Variants in KCNQ1 observed in about 807,000 individuals in gnomAD.
KCNQ1 encodes potassium voltage-gated channel subfamily KQT member 1.
KCNQ1 carries 49 observed loss-of-function variants against 72.4 expected under a neutral mutation model. The observed-to-expected ratio is 0.68, with a 90% confidence interval of 0.54 to 0.86. The LOEUF (loss-of-function observed/expected upper bound fraction) is 0.86, where lower values mean the gene tolerates loss of function less well. Among genes scored for constraint, KCNQ1 ranks in the 40% least tolerant of loss-of-function variants. The pLI, the probability that KCNQ1 is intolerant of heterozygous loss-of-function variation, is 0.00. For missense variants in KCNQ1, 790 were observed against 945.1 expected (o/e 0.84, Z 2.15); for synonymous variants, 450 against 412.6 (o/e 1.09, Z -1.10).
rs572775767 is a variant in KCNQ1 at position 2,571,940 on chromosome 11, G to A, written c.684-73G>A. On this transcript the variant is annotated intron_variant, in intron 4 of 15. Transcript: ENST00000155840. ...CAGGGGCAGGGACACCCATGCCATC[G>A]GCCAGCCCTAGGCCCGGCGTGAACA... The A allele has an allele frequency of 8.9e-5, 118 of 1,318,638 alleles. 2 individuals carry two copies. Among genetic ancestry groups the A allele is most frequent in the South Asian group, 8.2e-4 (67 of 81,456 alleles). 81.7% of individuals were successfully genotyped at this position (1,318,638 alleles called of 1,614,324 possible). A position where few individuals can be genotyped will look rare whatever the true frequency, so the allele number is the denominator to read the frequency against.
In KCNQ1 at chr11:2,447,122, G is replaced by A. The variant is rs74048606; in HGVS notation, c.386+1638G>A. Among the ~76,000 whole-genome samples, 1,723 of 152,310 alleles carry A rather than the reference G, an allele frequency of 0.011. 33 individuals carry two copies. Among genetic ancestry groups the A allele is most frequent in the African/African-American group, 0.04 (1,659 of 41,548 alleles). ...GCCTCCGGGCTCACTGCAGCCACCC[G>A]TGTGGAGGAAGAGGAGGAAGAGGGC... is the stretch of plus-strand genomic sequence containing the variant. On this transcript the variant is annotated intron_variant, in intron 1 of 15. Transcript: ENST00000155840. This position sits in a 1 kb window ranked among gnomAD's most constrained non-coding sequence, Gnocchi z 7.6.
At chr11:2,467,570 G>A (rs1228652617) in intron 1 of KCNQ1, among the ~76,000 whole-genome samples, 1 of 152,178 alleles carries the variant, frequency 6.6e-6, no homozygotes, top group Non-Finnish European at 1.5e-5. Flanking sequence ...TTGAGATCAC[G>A]TCAGGGTGCA....
Position 2,846,113 on chromosome 11 carries a change from G to A in KCNQ1, c.1795-1654G>A, listed in dbSNP as rs183609347. On this transcript the variant is annotated intron_variant, in intron 15 of 15. Transcript: ENST00000155840. ...CCCACACCTCACCCCAAGCCTATCC[G>A]GCTGGATCAGCAGTGGGGCCGGGCG... is the stretch of plus-strand genomic sequence containing the variant. Among the ~76,000 whole-genome samples, 182 of 152,242 alleles carry A rather than the reference G, an allele frequency of 1.2e-3. 1 individual carries two copies. Among genetic ancestry groups the A allele is most frequent in the African/African-American group, 4.0e-3 (166 of 41,560 alleles).
rs1002317761 is a variant in KCNQ1, at chr11:2,674,944, G to A, written c.1514+12863G>A. 2.5e-6 allele frequency: 1 copy of A among 398,028 alleles called. No individual in the cohort carries two copies. The highest frequency in any genetic ancestry group is 4.4e-5 in the Admixed American group (1 of 22,682). The allele number at this position is 398,028 out of a possible 1,614,324, so 24.7% of individuals were successfully genotyped here. A position where few individuals can be genotyped will look rare whatever the true frequency, so the allele number is the denominator to read the frequency against. On this transcript the variant is annotated intron_variant, in intron 11 of 15. Transcript: ENST00000155840. This position sits in a 1 kb window ranked among gnomAD's most constrained non-coding sequence, Gnocchi z 5.9. ...AGAGTTTTTCCAGGCCTCGCTTCTG[G>A]GGCTGACTGGAGCTGTTTCTCTTCG...
At chr11:2,655,330 G>C (rs1329727882) in intron 10 of KCNQ1, 3 of 398,504 alleles carry the variant, frequency 7.5e-6, no homozygotes, top group Non-Finnish European at 1.3e-5. Flanking sequence ...ACAAAGCAAA[G>C]GCAGCCAAAG....
rs2133759386 is a variant in KCNQ1, at chr11:2,588,141, A to C, written c.1251+449A>C. ...AGGTCACAGGGCAGTGGAGTTTGGC[A>C]GGCGCTGGGCAGAAGTCTTGTGACA... On this transcript the variant is annotated intron_variant, in intron 9 of 15. Coordinates refer to ENST00000155840, the MANE Select transcript of KCNQ1 (RefSeq NM_000218.3). This position sits in a 1 kb window ranked among gnomAD's most constrained non-coding sequence, Gnocchi z 5.6. Among the ~76,000 whole-genome samples, 1 of 152,122 alleles carries C rather than the reference A, an allele frequency of 6.6e-6. No individual in the cohort carries two copies. The highest frequency in any genetic ancestry group is 6.5e-5 in the Admixed American group (1 of 15,286).
chr11:2,672,821 C>A, intron 11 of KCNQ1: 1 of 398,852 alleles, frequency 2.5e-6, no homozygotes, highest in Non-Finnish European at 4.4e-6. Flanking sequence ...GACCAAGTGA[C>A]CCCAACTCTG....
intron 6 of KCNQ1, among the ~76,000 whole-genome samples, chr11:2,578,134 TGA>T (rs1848449310): frequency 6.6e-6 from 1 of 151,956 alleles, no homozygotes; most frequent in South Asian, 2.1e-4. Context: ...ATTCCAGGAG[TGA>T]GTGACAGGCT....
Position 2,621,571 on chromosome 11 carries a change from T to C in KCNQ1, c.1393+32717T>C. On this transcript the variant is annotated intron_variant, in intron 10 of 15. Coordinates refer to ENST00000155840, the MANE Select transcript of KCNQ1 (RefSeq NM_000218.3). This position sits in a 1 kb window ranked among gnomAD's most constrained non-coding sequence, Gnocchi z 5.7. ...GTTTACCACTGTGATCTCTTTGCTA[T>C]TGGTCTGTTCAGGCTTTCTATTCCT... 1 of 398,556 alleles carries C rather than the reference T, an allele frequency of 2.5e-6. No homozygotes were observed. Among genetic ancestry groups the C allele is most frequent in the Admixed American group, 4.4e-5 (1 of 22,736 alleles). The allele number at this position is 398,556 out of a possible 1,614,324, so 24.7% of individuals were successfully genotyped here. A position where few individuals can be genotyped will look rare whatever the true frequency, so the allele number is the denominator to read the frequency against.
intron 11 of KCNQ1, among the ~76,000 whole-genome samples, chr11:2,761,809 C>T (rs1846400287): frequency 6.6e-6 from 1 of 152,254 alleles, no homozygotes; most frequent in African/African-American, 2.4e-5. Flanking sequence ...GGCTGGCACC[C>T]TCAGCCCTGG....
chr11:2,476,288 T>C (rs1351852302), intron 1 of KCNQ1, among the ~76,000 whole-genome samples: 2 of 152,146 alleles, frequency 1.3e-5, no homozygotes, highest in Non-Finnish European at 2.9e-5. Flanking sequence ...TTAAAATATA[T>C]GTTATTAATT....
intron 1 of KCNQ1, among the ~76,000 whole-genome samples, chr11:2,476,961 T>A (rs572029428): frequency 9.2e-5 from 14 of 152,346 alleles, no homozygotes; most frequent in Admixed American, 3.9e-4. Flanking sequence ...AGTGCTGGGA[T>A]CACAGGCATG....
rs371488379 is a variant in KCNQ1, at chr11:2,661,953, C to G, written c.1394-8C>G. 4.3e-6 allele frequency: 7 copies of G among 1,614,084 alleles called. No homozygotes were observed. Among genetic ancestry groups the G allele is most frequent in the Non-Finnish European group, 5.9e-6 (7 of 1,180,044 alleles). On this transcript the variant is annotated splice_region_variant and splice_polypyrimidine_tract_variant and intron_variant, in intron 10 of 15. Transcript: ENST00000155840. This position sits in a 1 kb window ranked among gnomAD's most constrained non-coding sequence, Gnocchi z 5.9. The stretch of plus-strand genomic sequence containing the variant: ...GCCTAACGTGCTGTCCCCACACTTT[C>G]TCCTCAGTAAGGAAGAGCCCAACAC...
chr11:2,749,641 C>CAAAAAAA (rs35701102), intron 11 of KCNQ1, among the ~76,000 whole-genome samples: 1 of 87,122 alleles, frequency 1.1e-5, no homozygotes, highest in Admixed American at 1.3e-4. Context: ...ACTAAAAATA[C>CAAAAAAA]AAAAAAAAAA....
rs368319944 is a variant in KCNQ1 at position 2,562,589 on chromosome 11, G to A, written c.478-8039G>A. On this transcript the variant is annotated intron_variant, in intron 2 of 15. Transcript: ENST00000155840. The surrounding 1 kb of genome is among the most constrained non-coding windows in gnomAD (Gnocchi z 7.5). ...TGGGAGGGGGTGAGACCCTAATCCC[G>A]GGTCCCCACAGCACCCTCAGCCTAA... 2.4e-3 allele frequency among the ~76,000 whole-genome samples: 369 copies of A among 152,202 alleles called. 2 individuals are homozygous for A. The highest frequency in any genetic ancestry group is 8.5e-3 in the African/African-American group (353 of 41,544).
At chr11:2,469,260 A>G (rs1846402769) in intron 1 of KCNQ1, among the ~76,000 whole-genome samples, 1 of 151,516 alleles carries the variant, frequency 6.6e-6, no homozygotes, top group African/African-American at 2.4e-5. Context: ...ATTGAATTCA[A>G]GAGTTTTTTT....
intron 11 of KCNQ1, among the ~76,000 whole-genome samples, chr11:2,741,587 G>C (rs1266294079): frequency 6.6e-6 from 1 of 152,172 alleles, no homozygotes. Flanking sequence ...CCAGGCCTGA[G>C]CTCTGTTCGG....
intron 10 of KCNQ1, chr11:2,622,203 C>G: frequency 2.5e-6 from 1 of 398,334 alleles, no homozygotes; most frequent in Non-Finnish European, 4.4e-6. Flanking sequence ...CCAATTCTGT[C>G]AGTATATTTT....
At chr11:2,561,723 G>A (rs35218465) in intron 2 of KCNQ1, among the ~76,000 whole-genome samples, 2,129 of 152,322 alleles carry the variant, frequency 0.014, 31 homozygotes, top group South Asian at 0.033. Context: ...GCTCTCAGGG[G>A]GCCTGGCCAA....
Sources: gnomAD v4.1 joint callset for allele counts (sites outside exome capture counted in the v4.1 genomes callset) on GRCh38, gnomAD v4.1.1 for gene constraint, Gnocchi (gnomAD v3.1) non-coding constraint, MANE v1.5 for transcripts, NCBI Gene and HGNC (gene_info 2026-07-23, HGNC 2026-07-21) for gene names.